The following ZDHHC7 variants were observed in gnomAD, a reference collection of about 807,000 sequenced individuals.
ZDHHC7 encodes zDHHC palmitoyltransferase 7, also known as palmitoyltransferase ZDHHC7.
ZDHHC7 carries 12 observed loss-of-function variants against 34.1 expected under a neutral mutation model. The observed-to-expected ratio is 0.35, with a 90% CI of 0.23 to 0.57. The LOEUF (loss-of-function observed/expected upper bound fraction) is 0.57. ZDHHC7 is among the 20% of genes least tolerant of loss of function. ZDHHC7 has a pLI of 0.84. For synonymous variants in ZDHHC7, 185 were observed against 155.4 expected (o/e 1.19, Z -1.42); for missense variants, 388 against 402.7 (o/e 0.96, Z 0.31).
At chr16:85,018,022 G>A in the ZDHHC7 span, among the ~76,000 whole-genome samples, 23,409 of 152,038 alleles carry the variant, frequency 0.15, 1,917 homozygotes, top group Middle Eastern at 0.18. Context: ...GGGTGGGTGT[G>A]TGTTTAGGAT....
rs757054710 is a variant in ZDHHC7, at chr16:84,977,216, T to C, written c.629A>G (p.Asp210Gly). 3.1e-6 allele frequency: 5 copies of C among 1,614,024 alleles called. No homozygotes were observed. In the South Asian group the frequency reaches 3.3e-5, roughly 11 times the overall value. ...GATTACAGTTATCGGAGGTGAAAAA[T>C]CACTGCATTCTGCGGACAAGAGGAA... ...CVRGQWTECS[D>G]FSPPITVILL... Residue 210 changes from aspartate to glycine, a missense_variant, in exon 7 of 8, where the codon GAT becomes GGT. By Grantham distance (94) the Asp-to-Gly change is moderately conservative. Coordinates refer to ENST00000313732, the MANE Select transcript of ZDHHC7 (RefSeq NM_017740.3).
intron 1 of ZDHHC7, among the ~76,000 whole-genome samples, chr16:85,007,282 G>C (rs568620745): frequency 6.6e-6 from 1 of 151,820 alleles, no homozygotes; most frequent in Non-Finnish European, 1.5e-5. Context: ...AATTAGCCGG[G>C]CATGATGGTG....
intron 2 of ZDHHC7, among the ~76,000 whole-genome samples, chr16:84,992,549 C>A (rs1056089865): frequency 6.6e-6 from 1 of 152,136 alleles, no homozygotes; most frequent in Non-Finnish European, 1.5e-5. Flanking sequence ...CTTCTCTTAT[C>A]GGTGTTTGCT....
the ZDHHC7 span, among the ~76,000 whole-genome samples, chr16:85,020,590 G>A: frequency 2.6e-3 from 396 of 152,250 alleles, 2 homozygotes; most frequent in African/African-American, 9.5e-3. Flanking sequence ...TGGGTTCTGG[G>A]CAAAGGGACA....
intron 3 of ZDHHC7, among the ~76,000 whole-genome samples, chr16:84,986,924 C>G (rs1567496411): frequency 1.3e-5 from 2 of 152,166 alleles, no homozygotes; most frequent in South Asian, 4.1e-4. Context: ...AATCAACTCC[C>G]CACTGGGAGA....
At chr16:84,977,534 T>C (rs993262719) in intron 6 of ZDHHC7, among the ~76,000 whole-genome samples, 1 of 152,244 alleles carries the variant, frequency 6.6e-6, no homozygotes, top group African/African-American at 2.4e-5. Flanking sequence ...TGTGCACCCA[T>C]ACCAGTGAGC....
intron 5 of ZDHHC7, 135 bp downstream of exon 5, chr16:84,979,054 T>C: frequency 1.3e-6 from 1 of 790,170 alleles, no homozygotes. Context: ...GACAGCACAG[T>C]ATTATAATTT....
In ZDHHC7 at chr16:84,992,671, G is replaced by A. The variant is rs141246259; in HGVS notation, c.-17-2036C>T. ...GACAAATATTTTAACGAACTGACCC[G>A]GGCACCTTCTCAGAGCAGGAGCGCT... is the stretch of plus-strand genomic sequence containing the variant. On this transcript the variant is annotated intron_variant, in intron 2 of 7. Coordinates refer to ENST00000313732, the MANE Select transcript of ZDHHC7 (RefSeq NM_017740.3). Among the ~76,000 whole-genome samples the A allele has an allele frequency of 3.7e-3, 557 of 152,140 alleles. 4 individuals carry two copies. Among genetic ancestry groups the A allele is most frequent in the African/African-American group, 0.012 (510 of 41,504 alleles).
upstream of ZDHHC7, among the ~76,000 whole-genome samples, chr16:85,015,207 C>A (rs2072829199): frequency 6.6e-6 from 1 of 151,610 alleles, no homozygotes; most frequent in Admixed American, 6.6e-5. Context: ...TCAAGCGATT[C>A]TCCTGCCTCA....
chr16:85,012,832 G>A (rs1441588767), upstream of ZDHHC7, among the ~76,000 whole-genome samples: 3 of 151,946 alleles, frequency 2.0e-5, no homozygotes, highest in South Asian at 2.1e-4. Context: ...CTTGAGAACC[G>A]GGAGGCAGAG....
chr16:85,011,597 A>T (rs3817028), upstream of ZDHHC7: 60,729 of 152,088 alleles, frequency 0.4, 13,174 homozygotes, highest in African/African-American at 0.58. Context: ...TCTCGCGGAG[A>T]GGGGCGCTCG....
At chr16:84,993,466 TACAAA>T (rs903137339) in intron 2 of ZDHHC7, among the ~76,000 whole-genome samples, 55 of 150,426 alleles carry the variant, frequency 3.7e-4, no homozygotes, top group African/African-American at 1.3e-3. Flanking sequence ...ACCCAATCTC[TACAAA>T]ACAAAATTGT....
At chr16:85,020,686 C>T in the ZDHHC7 span, among the ~76,000 whole-genome samples, 3 of 152,018 alleles carry the variant, frequency 2.0e-5, no homozygotes, top group South Asian at 2.1e-4. Flanking sequence ...GGAAGCGGTT[C>T]GAGACCACAC....
At chr16:84,989,791 T>C (rs985127698) in intron 3 of ZDHHC7, among the ~76,000 whole-genome samples, 5 of 151,868 alleles carry the variant, frequency 3.3e-5, no homozygotes, top group Non-Finnish European at 7.4e-5. Context: ...AGATTTTAAA[T>C]TGACAAATTG....
chr16:84,979,574 C>A (rs1251694792), intron 4 of ZDHHC7, among the ~76,000 whole-genome samples: 1 of 152,142 alleles, frequency 6.6e-6, no homozygotes, highest in Non-Finnish European at 1.5e-5. Context: ...ATCATGTACA[C>A]CTATCAGTAA....
At chr16:85,012,486 T>C (rs1597571818), upstream of ZDHHC7, among the ~76,000 whole-genome samples, 4 of 151,944 alleles carry the variant, frequency 2.6e-5, no homozygotes, top group East Asian at 7.7e-4. Flanking sequence ...TTAATGATGG[T>C]ATATATACAA....
At chr16:84,993,558 C>T (rs1428493702) in intron 2 of ZDHHC7, among the ~76,000 whole-genome samples, 1 of 151,898 alleles carries the variant, frequency 6.6e-6, no homozygotes, top group Non-Finnish European at 1.5e-5. Flanking sequence ...GGAAGGATCG[C>T]ATGAGACTGG....
At chr16:85,026,306 C>T in the ZDHHC7 span, among the ~76,000 whole-genome samples, 1 of 152,142 alleles carries the variant, frequency 6.6e-6, no homozygotes, top group Non-Finnish European at 1.5e-5. Flanking sequence ...GCTGGACTCA[C>T]GGCAGAACCT....
rs541445932 is a variant in ZDHHC7 at position 84,997,463 on chromosome 16, T to G, written c.-103-1456A>C. On this transcript the variant is annotated intron_variant, in intron 1 of 7. Coordinates refer to ENST00000313732, the MANE Select transcript of ZDHHC7 (RefSeq NM_017740.3). ...ATCTTTTGTATTTTTAGTAGAGACGTGGTTTCACCATGTTATCCAGAATGG... is the reference window on the plus strand; with the variant it reads ...ATCTTTTGTATTTTTAGTAGAGACGGGGTTTCACCATGTTATCCAGAATGG... Among the ~76,000 whole-genome samples, 8 of 150,690 alleles carry G rather than the reference T, an allele frequency of 5.3e-5. No homozygotes were observed. In the East Asian group the frequency reaches 1.0e-3, roughly 19 times the overall value.
Sources: gnomAD v4.1 joint callset for allele counts (sites outside exome capture counted in the v4.1 genomes callset) on GRCh38, gnomAD v4.1.1 for gene constraint, MANE v1.5 for transcripts, NCBI Gene and HGNC (gene_info 2026-07-23, HGNC 2026-07-21) for gene names.